Variants in NXNL2 observed in about 807,000 individuals in gnomAD.
The protein encoded by NXNL2 is nucleoredoxin-like protein 2.
Under a neutral mutation model 11.1 loss-of-function variants are expected in NXNL2, and 7 were observed. That is an observed-to-expected ratio of 0.63 (90% confidence interval 0.36 to 1.18). The LOEUF is 1.18. Among genes scored for constraint, NXNL2 ranks in the 50% most tolerant of loss-of-function variants. The pLI is 0.02. For missense variants in NXNL2, 233 were observed against 217.7 expected, an observed-to-expected ratio of 1.07 and a Z score of -0.44; for synonymous variants, 109 against 101.8, an observed-to-expected ratio of 1.07 and a Z score of -0.42.
downstream of NXNL2, among the ~76,000 whole-genome samples, chr9:88,549,205 G>A (rs1230697603): frequency 5.9e-5 from 9 of 152,122 alleles, no homozygotes; most frequent in African/African-American, 1.4e-4. Flanking sequence ...CCCTTCTATC[G>A]TCTTGAAGAA....
intron 1 of NXNL2, among the ~76,000 whole-genome samples, chr9:88,538,706 G>A (rs1433821654): frequency 6.6e-6 from 1 of 152,248 alleles, no homozygotes; most frequent in Non-Finnish European, 1.5e-5. Context: ...CCACCAGATA[G>A]ATATGCTGAC....
At chr9:88,542,734 G>C (rs1829785538) in intron 1 of NXNL2, among the ~76,000 whole-genome samples, 1 of 152,110 alleles carries the variant, frequency 6.6e-6, no homozygotes, top group African/African-American at 2.4e-5. Context: ...ATAGATGTTT[G>C]GAAATAAACC....
intron 1 of NXNL2, among the ~76,000 whole-genome samples, chr9:88,539,136 G>C (rs2118399655): frequency 6.6e-6 from 1 of 152,326 alleles, no homozygotes; most frequent in Middle Eastern, 3.4e-3. Context: ...GCCAACTTGA[G>C]CAAGCATAAA....
chr9:88,582,661 TTTCTTTCTTTC>T (rs528286091), intron 1 of NXNL2, among the ~76,000 whole-genome samples: 1,466 of 138,838 alleles, frequency 0.011, 13 homozygotes, highest in Middle Eastern at 0.032. Flanking sequence ...CCTCTCTCTC[TTTCTTTCTTTC>T]TTCTTTCTTT....
At chr9:88,565,499 T>A (rs112012759) in intron 1 of NXNL2, among the ~76,000 whole-genome samples, 4,778 of 152,274 alleles carry the variant, frequency 0.031, 241 homozygotes, top group African/African-American at 0.11. Flanking sequence ...AGGGTTCCAA[T>A]TATTCCACAT....
chr9:88,546,415 T>C (rs1241179963), downstream of NXNL2, among the ~76,000 whole-genome samples: 1 of 79,910 alleles, frequency 1.3e-5, no homozygotes, highest in African/African-American at 1.1e-4. Flanking sequence ...AGACACATTC[T>C]TTTTTTTTTT....
intron 1 of NXNL2, among the ~76,000 whole-genome samples, chr9:88,582,820 C>T (rs944936872): frequency 2.0e-5 from 3 of 152,052 alleles, no homozygotes; most frequent in Admixed American, 6.5e-5. Context: ...AGATATGTGC[C>T]CCACACCCAG....
chr9:88,554,966 T>TA (rs1469898558), intron 1 of NXNL2, among the ~76,000 whole-genome samples: 2 of 152,068 alleles, frequency 1.3e-5, no homozygotes, highest in Non-Finnish European at 2.9e-5. Flanking sequence ...AGAGACCAGA[T>TA]ACCAGATCTA....
At chr9:88,537,930 C>A (rs1829662222) in intron 1 of NXNL2, among the ~76,000 whole-genome samples, 1 of 152,200 alleles carries the variant, frequency 6.6e-6, no homozygotes, top group Non-Finnish European at 1.5e-5. Context: ...TTTATGCCAG[C>A]AACAAGGATG....
rs144102328 is a variant in NXNL2 at position 88,555,784 on chromosome 9, C to T, written c.303-15303C>T. 5.4e-3 allele frequency among the ~76,000 whole-genome samples: 828 copies of T among 152,296 alleles called. 11 individuals carry two copies. Among genetic ancestry groups the T allele is most frequent in the African/African-American group, 0.017 (693 of 41,558 alleles). On this transcript the variant is annotated intron_variant, in intron 1 of 2. Transcript: ENST00000375855. ...TCCTCCCACTTAGCCTGGCGGGCTG[C>T]GCTCAGTTCTTGCTACTGTCCCAGA...
intron 1 of NXNL2, among the ~76,000 whole-genome samples, chr9:88,541,502 C>T (rs749128248): frequency 6.6e-6 from 1 of 152,168 alleles, no homozygotes; most frequent in Non-Finnish European, 1.5e-5. Flanking sequence ...CTCAAGTGAT[C>T]CTCTCACCTT....
chr9:88,560,007 C>T (rs74994999), intron 1 of NXNL2, among the ~76,000 whole-genome samples: 2,161 of 152,010 alleles, frequency 0.014, 50 homozygotes, highest in African/African-American at 0.048. Flanking sequence ...GGCCCTGCTG[C>T]GTGGCCTCAG....
chr9:88,542,768 G>C (rs1409418237), intron 1 of NXNL2, among the ~76,000 whole-genome samples: 1 of 152,186 alleles, frequency 6.6e-6, no homozygotes, highest in Non-Finnish European at 1.5e-5. Flanking sequence ...GTTGAGCGTA[G>C]GGGACCCTGT....
chr9:88,579,371 A>G (rs920266454), downstream of NXNL2, among the ~76,000 whole-genome samples: 3 of 152,112 alleles, frequency 2.0e-5, no homozygotes, highest in African/African-American at 7.2e-5. Flanking sequence ...TGGCCTGACT[A>G]GGGATTGGGT....
At chr9:88,561,663 G>A (rs767000092) in intron 1 of NXNL2, among the ~76,000 whole-genome samples, 13 of 152,126 alleles carry the variant, frequency 8.5e-5, no homozygotes, top group Non-Finnish European at 1.8e-4. Flanking sequence ...AAATAAGCAA[G>A]CACCAATAAC....
At position 88,544,483 on chromosome 9, in the gene NXNL2, G is replaced by C. The variant is rs770769943; in HGVS notation, c.407G>C (p.Arg136Pro). The C allele has an allele frequency of 6.4e-7, 1 of 1,551,604 alleles. No homozygotes were observed. The highest frequency in any genetic ancestry group is 1.2e-5 in the South Asian group (1 of 84,028). Residue 136 changes from arginine (R) to proline (P), a missense_variant, in exon 2 of 2, where the codon CGG becomes CCG. Coordinates refer to ENST00000375854, the MANE Select transcript of NXNL2 (RefSeq NM_001161625.2). ...TNKGRKQIRE[R>P]GLACFQDWVE... ...AAAGGGCGGAAGCAGATCCGGGAAC[G>C]GGGGTTGGCCTGCTTCCAGGACTGG...
At chr9:88,573,045 A>T (rs185926348) in intron 2 of NXNL2, among the ~76,000 whole-genome samples, 60 of 152,286 alleles carry the variant, frequency 3.9e-4, no homozygotes, top group African/African-American at 1.4e-3. Context: ...GGGCCGATTT[A>T]CCTGTGGGCT....
downstream of NXNL2, among the ~76,000 whole-genome samples, chr9:88,578,658 C>T (rs1830376114): frequency 6.6e-6 from 1 of 152,256 alleles, no homozygotes; most frequent in African/African-American, 2.4e-5. Context: ...CTGCTCCACA[C>T]TGCCCCCTCG....
At chr9:88,539,610 C>T (rs1406242699) in intron 1 of NXNL2, 1 of 152,322 alleles carries the variant, frequency 6.6e-6, no homozygotes, top group Non-Finnish European at 1.5e-5. Context: ...GAGCTTAAAT[C>T]AGGCTGCTGG....
Sources: gnomAD v4.1 joint callset for allele counts (sites outside exome capture counted in the v4.1 genomes callset) on GRCh38, gnomAD v4.1.1 for gene constraint, MANE v1.5 for transcripts, NCBI Gene and HGNC (gene_info 2026-07-23, HGNC 2026-07-21) for gene names.